Variants in FSTL4 observed in about 807,000 individuals in gnomAD.
FSTL4 encodes follistatin like 4.
FSTL4 carries 28 observed loss-of-function variants against 78.2 expected under a neutral mutation model. The observed-to-expected ratio is 0.36, with a 90% CI of 0.27 to 0.49. FSTL4 has a LOEUF of 0.49. Ranked by LOEUF, FSTL4 falls within the 20% of genes least tolerant of loss-of-function variation. The pLI is 0.98. For missense variants in FSTL4, 922 were observed against 1,084.9 expected (o/e 0.85, Z 2.11); for synonymous variants, 422 against 440.5 (o/e 0.96, Z 0.53).
chr5:133,308,029 C>A (rs905488032), intron 6 of FSTL4, among the ~76,000 whole-genome samples: 4 of 152,198 alleles, frequency 2.6e-5, no homozygotes, highest in Non-Finnish European at 4.4e-5. Flanking sequence ...ATCTGCCTGC[C>A]TCGGCCTCCC....
intron 6 of FSTL4, among the ~76,000 whole-genome samples, chr5:133,285,741 G>A (rs1348034081): frequency 6.6e-6 from 1 of 152,192 alleles, no homozygotes; most frequent in East Asian, 1.9e-4. Flanking sequence ...CTCAGACTAT[G>A]AGGTCCAATG....
chr5:133,471,678 G>C (rs150521167), intron 3 of FSTL4, among the ~76,000 whole-genome samples: 12 of 152,302 alleles, frequency 7.9e-5, no homozygotes, highest in African/African-American at 2.9e-4. Context: ...ATGCGATTTT[G>C]TTATAGTAGC....
intron 15 of FSTL4, among the ~76,000 whole-genome samples, chr5:133,201,706 A>G (rs1750325511): frequency 6.6e-6 from 1 of 152,188 alleles, no homozygotes; most frequent in African/African-American, 2.4e-5. Context: ...TGAGGGCATT[A>G]GGAGCTGGGT....
At chr5:133,834,776 G>T in the FSTL4 span, among the ~76,000 whole-genome samples, 18 of 152,122 alleles carry the variant, frequency 1.2e-4, no homozygotes, top group East Asian at 3.5e-3. Context: ...CAATTGAAAA[G>T]TTATTTTTCT....
intron 4 of FSTL4, among the ~76,000 whole-genome samples, chr5:133,345,421 G>A (rs1754676412): frequency 6.6e-6 from 1 of 152,158 alleles, no homozygotes; most frequent in Non-Finnish European, 1.5e-5. Flanking sequence ...AAGCTCTTTA[G>A]TTTAATTAGA....
chr5:133,317,213 C>G (rs1038895345), intron 4 of FSTL4, among the ~76,000 whole-genome samples: 1 of 152,228 alleles, frequency 6.6e-6, no homozygotes, highest in South Asian at 2.1e-4. Flanking sequence ...CAAAAAGAAG[C>G]TTTACAACGT....
At chr5:133,596,283 GC>G (rs1760736049) in intron 2 of FSTL4, among the ~76,000 whole-genome samples, 1 of 152,220 alleles carries the variant, frequency 6.6e-6, no homozygotes, top group Non-Finnish European at 1.5e-5. Context: ...TGGGGCTGAA[GC>G]GTGGGTTGTG....
chr5:133,371,399 T>C (rs139151249), intron 4 of FSTL4, among the ~76,000 whole-genome samples: 3 of 152,306 alleles, frequency 2.0e-5, no homozygotes, highest in Admixed American at 6.5e-5. Context: ...TTTAAAATCA[T>C]GGCTAGTGTC....
Position 133,449,618 on chromosome 5 carries a change from T to C in FSTL4, c.161-48632A>G, listed in dbSNP as rs577727240. Among the ~76,000 whole-genome samples the C allele has an allele frequency of 4.7e-4, 72 of 152,146 alleles. 1 individual carries two copies. The highest frequency in any genetic ancestry group is 1.7e-3 in the African/African-American group (71 of 41,512). On this transcript the variant is annotated intron_variant, in intron 3 of 15. Transcript: ENST00000265342. The stretch of plus-strand genomic sequence containing the variant: ...AAAGGGCGGATTACAGGGAGAGCCT[T>C]CCTCAAGCAACCACCCCAGGCGGGG...
intron 3 of FSTL4, among the ~76,000 whole-genome samples, chr5:133,546,445 G>T (rs1317258486): frequency 6.8e-6 from 1 of 147,482 alleles, no homozygotes; most frequent in Non-Finnish European, 1.5e-5. Flanking sequence ...GACGGAGGTT[G>T]CAGTGAGCTC....
chr5:133,223,009 G>A (rs752349999), intron 11 of FSTL4, among the ~76,000 whole-genome samples: 5 of 152,168 alleles, frequency 3.3e-5, no homozygotes, highest in Non-Finnish European at 7.3e-5. Flanking sequence ...GGTCTTTAGC[G>A]GGCACTGGGG....
At chr5:133,250,482 C>T (rs970084551) in intron 6 of FSTL4, among the ~76,000 whole-genome samples, 10 of 152,200 alleles carry the variant, frequency 6.6e-5, no homozygotes, top group African/African-American at 2.4e-4. Context: ...CAGGCTGGCT[C>T]TCGGTGCAGT....
At chr5:133,463,411 C>T (rs1472220454) in intron 3 of FSTL4, among the ~76,000 whole-genome samples, 2 of 152,202 alleles carry the variant, frequency 1.3e-5, no homozygotes, top group East Asian at 3.9e-4. Flanking sequence ...TCCATCCTTT[C>T]CCTTACTCCA....
chr5:133,822,297 G>C, the FSTL4 span, among the ~76,000 whole-genome samples: 1 of 152,106 alleles, frequency 6.6e-6, no homozygotes, highest in Non-Finnish European at 1.5e-5. Flanking sequence ...TAATTGTTAA[G>C]TTAGCCTTTT....
chr5:133,732,529 G>A, the FSTL4 span, among the ~76,000 whole-genome samples: 9 of 152,084 alleles, frequency 5.9e-5, no homozygotes, highest in Middle Eastern at 3.2e-3. Flanking sequence ...AAGCCCATCC[G>A]TCAGCAGGTT....
intron 6 of FSTL4, among the ~76,000 whole-genome samples, chr5:133,297,291 T>C (rs1318670603): frequency 1.3e-5 from 2 of 152,152 alleles, no homozygotes; most frequent in Non-Finnish European, 2.9e-5. Flanking sequence ...GTTTTCATGA[T>C]TAAATCAGGC....
the FSTL4 span, among the ~76,000 whole-genome samples, chr5:133,701,509 A>ACACACACACACACAC: frequency 2.0e-4 from 26 of 132,694 alleles, no homozygotes; most frequent in African/African-American, 3.4e-4. Context: ...ACACACACAC[A>ACACACACACACACAC]CCCCACAGGC....
At chr5:133,791,214 A>G in the FSTL4 span, among the ~76,000 whole-genome samples, 5 of 151,644 alleles carry the variant, frequency 3.3e-5, no homozygotes, top group East Asian at 1.9e-4. Context: ...CTCAAATATC[A>G]TCTTCCCAGA....
At chr5:133,726,494 T>C in the FSTL4 span, among the ~76,000 whole-genome samples, 1 of 152,168 alleles carries the variant, frequency 6.6e-6, no homozygotes, top group Middle Eastern at 3.2e-3. Flanking sequence ...CTCACTCTCC[T>C]CCAGAAGATG....
Sources: allele counts gnomAD v4.1 joint callset (sites outside exome capture counted in the v4.1 genomes callset), GRCh38; gene constraint gnomAD v4.1.1; transcripts MANE v1.5; gene names NCBI Gene and HGNC (gene_info 2026-07-23, HGNC 2026-07-21).